The following TECRL variants were observed in gnomAD, a reference collection of about 807,000 sequenced individuals.
TECRL encodes the protein trans-2,3-enoyl-CoA reductase-like.
A neutral mutation model predicts 52.8 loss-of-function variants in TECRL; 63 were observed. The observed-to-expected ratio is 1.19, with a 90% CI of 0.97 to 1.47. The LOEUF (loss-of-function observed/expected upper bound fraction) is 1.47. TECRL is among the 40% of genes most tolerant of loss of function. TECRL has a pLI of 0.00. For synonymous variants in TECRL, 164 were observed against 141.9 expected, an observed-to-expected ratio of 1.16 and a Z score of -1.10; for missense variants, 482 against 429.6, an observed-to-expected ratio of 1.12 and a Z score of -1.08.
chr4:64,335,786 T>A (rs1462053929), intron 2 of TECRL, among the ~76,000 whole-genome samples: 4 of 152,194 alleles, frequency 2.6e-5, no homozygotes, highest in Admixed American at 1.3e-4. Context: ...GAGTCCTTTT[T>A]CTTATTAAAT....
intron 2 of TECRL, among the ~76,000 whole-genome samples, chr4:64,338,254 T>G (rs904989631): frequency 6.6e-6 from 1 of 152,200 alleles, no homozygotes; most frequent in Non-Finnish European, 1.5e-5. Context: ...ACTGGATCCC[T>G]TCCTTACACC....
chr4:64,370,485 G>GT (rs1319062895), intron 2 of TECRL, among the ~76,000 whole-genome samples: 6 of 148,098 alleles, frequency 4.1e-5, no homozygotes, highest in Admixed American at 2.8e-4. Context: ...CAAGCAGAAA[G>GT]TTTTTTTCAT....
intron 2 of TECRL, among the ~76,000 whole-genome samples, chr4:64,329,357 T>G (rs1397318050): frequency 1.3e-5 from 2 of 151,918 alleles, no homozygotes; most frequent in Non-Finnish European, 2.9e-5. Flanking sequence ...TTATCTTCTT[T>G]TTTTTCAATA....
intron 1 of TECRL, among the ~76,000 whole-genome samples, chr4:64,399,368 AG>A (rs753920481): frequency 4.6e-5 from 7 of 152,220 alleles, no homozygotes; most frequent in Non-Finnish European, 1.0e-4. Context: ...AAAAAAATGT[AG>A]CCTGGCCACA....
At chr4:64,378,928 C>T (rs1035350611) in intron 1 of TECRL, among the ~76,000 whole-genome samples, 3 of 118,140 alleles carry the variant, frequency 2.5e-5, no homozygotes, top group African/African-American at 8.8e-5. Context: ...AAAATTAGTT[C>T]TTTGTTAAGT....
At chr4:64,316,831 T>C (rs571214514) in intron 4 of TECRL, among the ~76,000 whole-genome samples, 58 of 152,168 alleles carry the variant, frequency 3.8e-4, no homozygotes, top group Non-Finnish European at 7.3e-4. Context: ...TATTATCAAA[T>C]AGTATTTATA....
At chr4:64,318,013 A>C (rs1717626572) in intron 4 of TECRL, among the ~76,000 whole-genome samples, 1 of 152,182 alleles carries the variant, frequency 6.6e-6, no homozygotes, top group Non-Finnish European at 1.5e-5. Context: ...TCAACCTAAA[A>C]TCATTTCAGT....
At chr4:64,321,581 C>A (rs1460871221) in intron 4 of TECRL, among the ~76,000 whole-genome samples, 1 of 152,052 alleles carries the variant, frequency 6.6e-6, no homozygotes, top group Non-Finnish European at 1.5e-5. Context: ...TTTTCACTGC[C>A]TCTGTTACTA....
chr4:64,318,654 A>C (rs1403510790), intron 4 of TECRL, among the ~76,000 whole-genome samples: 3 of 152,066 alleles, frequency 2.0e-5, no homozygotes, highest in Non-Finnish European at 4.4e-5. Flanking sequence ...GAATTCAGAA[A>C]TTAAAAAAAT....
chr4:64,330,350 A>T (rs1056825322), intron 2 of TECRL, among the ~76,000 whole-genome samples: 1 of 152,108 alleles, frequency 6.6e-6, no homozygotes. Context: ...CCTCTTAAGG[A>T]TACTTAATGA....
chr4:64,343,734 G>A (rs557930509), intron 2 of TECRL, among the ~76,000 whole-genome samples: 2 of 152,086 alleles, frequency 1.3e-5, no homozygotes, highest in Non-Finnish European at 2.9e-5. Context: ...TTATTCAACA[G>A]TTAGGTTTCT....
At chr4:64,324,126 G>A (rs1477610549) in intron 3 of TECRL, among the ~76,000 whole-genome samples, 1 of 152,054 alleles carries the variant, frequency 6.6e-6, no homozygotes, top group Admixed American at 6.6e-5. Context: ...CTACTCATAA[G>A]ATAGAGGTAA....
chr4:64,304,455 G>A (rs1217121183), intron 7 of TECRL, among the ~76,000 whole-genome samples: 1 of 151,992 alleles, frequency 6.6e-6, no homozygotes, highest in East Asian at 1.9e-4. Context: ...TAAAAATAAA[G>A]TTTGAATATA....
At chr4:64,369,160 A>G (rs73821148) in intron 2 of TECRL, among the ~76,000 whole-genome samples, 2,033 of 152,282 alleles carry the variant, frequency 0.013, 41 homozygotes, top group African/African-American at 0.045. Context: ...TTGTTCAGAA[A>G]TGTTTATGAC....
At chr4:64,311,762 C>T (rs1413271889) in intron 5 of TECRL, among the ~76,000 whole-genome samples, 1 of 152,048 alleles carries the variant, frequency 6.6e-6, no homozygotes, top group Admixed American at 6.6e-5. Flanking sequence ...GTTTAACTTC[C>T]AAACACTGAT....
chr4:64,289,524 A>C (rs1386892913), intron 9 of TECRL, among the ~76,000 whole-genome samples, 186 bp downstream of exon 9: 1 of 152,110 alleles, frequency 6.6e-6, no homozygotes, highest in African/African-American at 2.4e-5. Flanking sequence ...ATTTTAGAGA[A>C]ATCATTACTA....
At chr4:64,359,613 A>C (rs1721034411) in intron 2 of TECRL, among the ~76,000 whole-genome samples, 1 of 152,008 alleles carries the variant, frequency 6.6e-6, no homozygotes, top group East Asian at 1.9e-4. Context: ...ACATAGTTTT[A>C]ATGCTGTGCC....
intron 2 of TECRL, among the ~76,000 whole-genome samples, chr4:64,358,278 A>G (rs749646728): frequency 5.9e-5 from 9 of 151,852 alleles, no homozygotes; most frequent in Non-Finnish European, 1.3e-4. Flanking sequence ...GAATATTTTA[A>G]TGTATGATAT....
At position 64,309,951 on chromosome 4, in the gene TECRL, A is replaced by C; in HGVS notation, c.552-20T>G. ...GCCAAGCTGGAAAAAAAAATAAAAC[A>C]TAAACATGAAAATCCTTTTGAAGTT... On this transcript the variant is annotated intron_variant, in intron 5 of 11. Coordinates refer to ENST00000381210, the MANE Select transcript of TECRL (RefSeq NM_001010874.5). 6.7e-7 allele frequency: 1 copy of C among 1,486,800 alleles called. No individual in the cohort carries two copies. Among genetic ancestry groups the C allele is most frequent in the Non-Finnish European group, 9.2e-7 (1 of 1,081,842 alleles). The allele number at this position is 1,486,800 out of a possible 1,614,324, so 92.1% of individuals were successfully genotyped here.
Sources: gnomAD v4.1 joint callset for allele counts (sites outside exome capture counted in the v4.1 genomes callset) on GRCh38, gnomAD v4.1.1 for gene constraint, MANE v1.5 for transcripts, NCBI Gene and HGNC (gene_info 2026-07-23, HGNC 2026-07-21) for gene names.